RUNDC3B: variants seen among roughly 807,000 people sequenced by gnomAD.
The protein encoded by RUNDC3B is RUN domain containing 3B.
Under a neutral mutation model 58.4 loss-of-function variants are expected in RUNDC3B, and 33 were observed. That is an observed-to-expected ratio of 0.56 (90% CI 0.43 to 0.75). The LOEUF is 0.75. Among genes scored for constraint, RUNDC3B ranks in the 30% least tolerant of loss-of-function variants. The pLI is 0.00. For missense variants in RUNDC3B, 501 were observed against 535.7 expected, an observed-to-expected ratio of 0.94 and a Z score of 0.64; for synonymous variants, 193 against 195.2, an observed-to-expected ratio of 0.99 and a Z score of 0.10.
rs35797972 is a variant in RUNDC3B at position 87,703,914 on chromosome 7, G to GTTTTTTTTTTTTTTTTTT, written c.372+3369_372+3386dup. Among the ~76,000 whole-genome samples, 78 of 42,976 alleles carry GTTTTTTTTTTTTTTTTTT rather than the reference G, an allele frequency of 1.8e-3. 1 individual carries two copies. Among genetic ancestry groups the GTTTTTTTTTTTTTTTTTT allele is most frequent in the Non-Finnish European group, 2.2e-3 (53 of 23,836 alleles). 28.2% of individuals were successfully genotyped at this position (42,976 alleles called of 152,430 possible). A position where few individuals can be genotyped will look rare whatever the true frequency, so the allele number is the denominator to read the frequency against. On this transcript the variant is annotated intron_variant, in intron 3 of 10. Transcript: ENST00000394654. ...TTTTTTTTTTTTTTTTTTTTTTTTG[G>GTTTTTTTTTTTTTTTTTT]TTTTTTTTTTTTTTTTTTTTTTTTT...
intron 3 of RUNDC3B, among the ~76,000 whole-genome samples, chr7:87,708,437 T>A (rs1829793726): frequency 6.6e-6 from 1 of 152,050 alleles, no homozygotes; most frequent in South Asian, 2.1e-4. Flanking sequence ...TCACCAAAAC[T>A]AACACGAAAA....
intron 2 of RUNDC3B, among the ~76,000 whole-genome samples, chr7:87,695,737 G>T (rs1195644803): frequency 1.3e-5 from 2 of 152,068 alleles, no homozygotes. Flanking sequence ...AAAAGATCTT[G>T]TGTCAGCTAC....
intron 2 of RUNDC3B, among the ~76,000 whole-genome samples, chr7:87,651,456 C>G (rs770619677): frequency 9.2e-5 from 14 of 152,034 alleles, no homozygotes; most frequent in Non-Finnish European, 1.5e-4. Flanking sequence ...AAGCTATACT[C>G]TCTGAATTTT....
chr7:87,652,133 C>T (rs1354062762), intron 2 of RUNDC3B, among the ~76,000 whole-genome samples: 1 of 151,996 alleles, frequency 6.6e-6, no homozygotes, highest in South Asian at 2.1e-4. Context: ...CAATGCCTAA[C>T]TAAAAAGCAT....
chr7:87,742,147 A>C (rs1025486277), intron 6 of RUNDC3B, among the ~76,000 whole-genome samples: 1 of 152,138 alleles, frequency 6.6e-6, no homozygotes, highest in Non-Finnish European at 1.5e-5. Context: ...AATGACATCT[A>C]TGTATGTTTC....
intron 1 of RUNDC3B, 117 bp downstream of exon 1, chr7:87,629,062 A>G (rs921063440): frequency 2.0e-6 from 2 of 1,021,082 alleles, no homozygotes; most frequent in African/African-American, 1.7e-5. Flanking sequence ...GCCCCCGCCT[A>G]TGTTGCGCCA....
chr7:87,689,255 C>T (rs1302839167), intron 2 of RUNDC3B, among the ~76,000 whole-genome samples: 2 of 152,018 alleles, frequency 1.3e-5, no homozygotes, highest in Non-Finnish European at 2.9e-5. Context: ...TCATGTCTAA[C>T]AGAAATTGAT....
intron 6 of RUNDC3B, among the ~76,000 whole-genome samples, chr7:87,742,753 A>G (rs1832409825): frequency 6.6e-6 from 1 of 152,156 alleles, no homozygotes; most frequent in Non-Finnish European, 1.5e-5. Context: ...AAAACTACAG[A>G]TAGTGTTAAG....
intron 3 of RUNDC3B, among the ~76,000 whole-genome samples, chr7:87,705,829 T>C (rs947038037): frequency 6.6e-6 from 1 of 152,214 alleles, no homozygotes; most frequent in Non-Finnish European, 1.5e-5. Flanking sequence ...ATTGAATCTT[T>C]AGTTACCACT....
At chr7:87,780,635 G>A (rs981311121) in intron 8 of RUNDC3B, among the ~76,000 whole-genome samples, 1 of 151,992 alleles carries the variant, frequency 6.6e-6, no homozygotes, top group Non-Finnish European at 1.5e-5. Flanking sequence ...TTTTGTTTTT[G>A]TTGTAATTGC....
chr7:87,729,007 T>C (rs1217226670), intron 4 of RUNDC3B, among the ~76,000 whole-genome samples: 2 of 152,200 alleles, frequency 1.3e-5, no homozygotes, highest in African/African-American at 4.8e-5. Flanking sequence ...CATTAATTTG[T>C]CCATCTTGTC....
At chr7:87,770,474 T>C (rs2130869185) in intron 6 of RUNDC3B, 107 bp from the exon 7 acceptor site, 1 of 811,220 alleles carries the variant, frequency 1.2e-6, no homozygotes. Flanking sequence ...TTGTATTTAG[T>C]ACTAAATATT....
intron 8 of RUNDC3B, among the ~76,000 whole-genome samples, chr7:87,782,926 ATAAAG>A (rs1243210833): frequency 6.6e-6 from 1 of 152,178 alleles, no homozygotes; most frequent in Non-Finnish European, 1.5e-5. Flanking sequence ...GCCAATGAAA[ATAAAG>A]TATATTGTGT....
intron 10 of RUNDC3B, among the ~76,000 whole-genome samples, chr7:87,819,224 G>C (rs1049487565): frequency 1.1e-4 from 16 of 152,118 alleles, no homozygotes; most frequent in Non-Finnish European, 2.1e-4. Flanking sequence ...GAGGGTAATT[G>C]ACATTGTGGG....
chr7:87,641,969 A>G (rs912746285), intron 1 of RUNDC3B, among the ~76,000 whole-genome samples: 9 of 152,108 alleles, frequency 5.9e-5, no homozygotes, highest in African/African-American at 2.2e-4. Context: ...AATTTTCATA[A>G]ATCAATCACA....
chr7:87,791,486 A>G (rs960115925), intron 8 of RUNDC3B, among the ~76,000 whole-genome samples: 2 of 152,194 alleles, frequency 1.3e-5, no homozygotes, highest in African/African-American at 4.8e-5. Context: ...AGACTAAATG[A>G]TGAACCAATA....
chr7:87,648,816 A>G (rs1823284319), intron 1 of RUNDC3B, among the ~76,000 whole-genome samples: 1 of 152,138 alleles, frequency 6.6e-6, no homozygotes, highest in Non-Finnish European at 1.5e-5. Context: ...CATGGTTTCA[A>G]CTTGCAGAGT....
intron 10 of RUNDC3B, among the ~76,000 whole-genome samples, chr7:87,827,637 A>T (rs910265409): frequency 1.1e-4 from 17 of 152,190 alleles, no homozygotes; most frequent in African/African-American, 4.1e-4. Context: ...TTATACAACA[A>T]ATAATGATAT....
At chr7:87,751,010 T>G (rs1369436702) in intron 6 of RUNDC3B, among the ~76,000 whole-genome samples, 1 of 152,362 alleles carries the variant, frequency 6.6e-6, no homozygotes, top group East Asian at 1.9e-4. Flanking sequence ...TTTATAGTTT[T>G]AGGTCTAACG....
Sources: allele counts gnomAD v4.1 joint callset (sites outside exome capture counted in the v4.1 genomes callset), GRCh38; gene constraint gnomAD v4.1.1; transcripts MANE v1.5; gene names NCBI Gene and HGNC (gene_info 2026-07-23, HGNC 2026-07-21).